The following FGF1 variants were observed in gnomAD, a reference collection of about 807,000 sequenced individuals.
FGF1 encodes fibroblast growth factor 1.
A neutral mutation model predicts 13.4 loss-of-function variants in FGF1; 9 were observed. The observed-to-expected ratio is 0.67, with a 90% CI of 0.40 to 1.17. The LOEUF (loss-of-function observed/expected upper bound fraction) is 1.17. Among genes scored for constraint, FGF1 ranks in the 50% most tolerant of loss-of-function variants. The pLI, the probability that FGF1 is intolerant of heterozygous loss-of-function variation, is 0.01. For synonymous variants in FGF1, 93 were observed against 79.0 expected, an observed-to-expected ratio of 1.18 and a Z score of -0.94; for missense variants, 156 against 192.7, an observed-to-expected ratio of 0.81 and a Z score of 1.13.
chr5:142,633,098 T>G (rs1375283499), intron 1 of FGF1, among the ~76,000 whole-genome samples: 1 of 152,136 alleles, frequency 6.6e-6, no homozygotes, highest in African/African-American at 2.4e-5. Context: ...TTTTTTGATT[T>G]TTAGTAGAGA....
Position 142,614,771 on chromosome 5 carries a change from GCA to G in FGF1, c.-34-612_-34-611del, listed in dbSNP as rs1354298937. On this transcript the variant is annotated intron_variant, in intron 1 of 3. Transcript: ENST00000337706. ...AACAGAACTGGAACCAGGGAAAAAG[GCA>G]CAGAGTGGGAGTAAGTGGGGTTTTT... 4.6e-5 allele frequency among the ~76,000 whole-genome samples: 7 copies of G among 152,288 alleles called. 1 individual carries two copies. In the South Asian group the frequency reaches 1.2e-3, roughly 27 times the overall value.
intron 1 of FGF1, among the ~76,000 whole-genome samples, chr5:142,631,329 C>G (rs750111720): frequency 1.2e-4 from 18 of 152,152 alleles, no homozygotes; most frequent in Non-Finnish European, 1.3e-4. Context: ...TCCTGGGAAC[C>G]ACAGGAAATA....
chr5:142,661,269 G>A (rs1195321894), intron 1 of FGF1, among the ~76,000 whole-genome samples: 2 of 152,100 alleles, frequency 1.3e-5, no homozygotes, highest in African/African-American at 4.8e-5. Flanking sequence ...TTGCCACCAG[G>A]GAAATGCAAA....
upstream of FGF1, among the ~76,000 whole-genome samples, chr5:142,690,533 C>G (rs1285258757): frequency 6.6e-6 from 1 of 152,140 alleles, no homozygotes; most frequent in East Asian, 1.9e-4. Flanking sequence ...TATGTGTATG[C>G]TAAAAACACA....
rs189493100 is a variant in FGF1 at position 142,595,560 on chromosome 5, G to A, written c.274-76C>T. 256 of 1,246,502 alleles carry A rather than the reference G, an allele frequency of 2.1e-4. 1 individual carries two copies. In the African/African-American group the frequency reaches 3.5e-3, roughly 17 times the overall value. The allele number at this position is 1,246,502 out of a possible 1,614,324, so 77.2% of individuals were successfully genotyped here. On this transcript the variant is annotated intron_variant, in intron 3 of 3. Coordinates refer to ENST00000337706, the MANE Select transcript of FGF1 (RefSeq NM_000800.5). ...ATGGGGGTCCCCATTTACTAGCTGT[G>A]TGACATTGGGCAAAATACTAAAGCT...
At chr5:142,646,596 C>T (rs1329578968) in intron 1 of FGF1, among the ~76,000 whole-genome samples, 1 of 152,128 alleles carries the variant, frequency 6.6e-6, no homozygotes, top group African/African-American at 2.4e-5. Flanking sequence ...CATGCTCTGC[C>T]CGCCTTGGCC....
At chr5:142,620,572 G>C (rs140811251) in intron 1 of FGF1, among the ~76,000 whole-genome samples, 55 of 152,258 alleles carry the variant, frequency 3.6e-4, no homozygotes, top group African/African-American at 1.2e-3. Flanking sequence ...TATATCTAAT[G>C]ACATAGCCTC....
rs563663453 is a variant in FGF1 at position 142,605,388 on chromosome 5, C to T, written c.170-4583G>A. 3.5e-4 allele frequency among the ~76,000 whole-genome samples: 53 copies of T among 151,754 alleles called. 1 individual carries two copies. The highest frequency in any genetic ancestry group is 2.1e-4 in the South Asian group (1 of 4,770). On this transcript the variant is annotated intron_variant, in intron 2 of 3. Transcript: ENST00000337706. ...CACCCCCCTCGGCCTCCCAAAATGC[C>T]GGGATTACAGGCATGAGCCACCGTG...
intron 1 of FGF1, among the ~76,000 whole-genome samples, chr5:142,655,202 G>A (rs888660559): frequency 2.0e-5 from 3 of 152,194 alleles, no homozygotes; most frequent in African/African-American, 7.2e-5. Flanking sequence ...CTGGGAATTT[G>A]AAAGAACATG....
chr5:142,593,366 T>C lies in FGF1; in HGVS notation c.*1924A>G, dbSNP rs966781594. ...TAACAAAAACAAAAAAGTTATGAAA[T>C]TATTTTGCTGCACAAATCTAAAATA... On this transcript the variant is annotated 3_prime_UTR_variant, in exon 4 of 4. Transcript: ENST00000337706. 2 of 152,204 alleles carry C rather than the reference T, an allele frequency of 1.3e-5. No individual in the cohort carries two copies. The highest frequency in any genetic ancestry group is 6.5e-5 in the Admixed American group (1 of 15,282). The allele number at this position is 152,204 out of a possible 1,614,324, so 9.4% of individuals were successfully genotyped here.
intron 1 of FGF1, among the ~76,000 whole-genome samples, chr5:142,667,601 AAAAG>A (rs1561714305): frequency 6.6e-6 from 1 of 151,822 alleles, no homozygotes; most frequent in Non-Finnish European, 1.5e-5. Flanking sequence ...AAAAAAAAAA[AAAAG>A]AAAGAAATAC....
chr5:142,681,506 A>G (rs538804342), intron 1 of FGF1, among the ~76,000 whole-genome samples: 16 of 152,176 alleles, frequency 1.1e-4, no homozygotes, highest in Non-Finnish European at 2.2e-4. Flanking sequence ...CCCAGAGGCT[A>G]TGGGTCCTCA....
At chr5:142,618,937 T>G (rs1430712883) in intron 1 of FGF1, among the ~76,000 whole-genome samples, 7 of 134,166 alleles carry the variant, frequency 5.2e-5, no homozygotes, top group Admixed American at 2.9e-4. Context: ...TTGTTTTTTT[T>G]TTTTTTTTTT....
intron 1 of FGF1, among the ~76,000 whole-genome samples, chr5:142,614,617 C>T (rs184886590): frequency 1.1e-4 from 16 of 152,236 alleles, no homozygotes; most frequent in East Asian, 5.8e-4. Context: ...TGAGGTACCG[C>T]GAAGCAGATA....
At chr5:142,639,919 G>C (rs987509179) in intron 1 of FGF1, among the ~76,000 whole-genome samples, 6 of 151,868 alleles carry the variant, frequency 4.0e-5, no homozygotes, top group African/African-American at 1.5e-4. Flanking sequence ...TGGTGGGAGG[G>C]ATAAATGATG....
At chr5:142,619,089 C>T (rs763410049) in intron 1 of FGF1, among the ~76,000 whole-genome samples, 7 of 151,816 alleles carry the variant, frequency 4.6e-5, no homozygotes, top group Non-Finnish European at 1.0e-4. Flanking sequence ...CGCCTGCCAC[C>T]GCGCCCGGCT....
chr5:142,687,480 GA>G (rs1369179980), upstream of FGF1, among the ~76,000 whole-genome samples: 3 of 152,192 alleles, frequency 2.0e-5, no homozygotes, highest in African/African-American at 7.2e-5. Context: ...TTGATTTCTT[GA>G]GACCCTATTA....
intron 1 of FGF1, among the ~76,000 whole-genome samples, chr5:142,625,450 C>T (rs1165781102): frequency 2.0e-5 from 3 of 152,148 alleles, no homozygotes; most frequent in Non-Finnish European, 4.4e-5. Context: ...CATAGAGCAT[C>T]ATTCAGTTGG....
intron 1 of FGF1, among the ~76,000 whole-genome samples, chr5:142,659,227 G>T (rs1014789515): frequency 7.4e-6 from 1 of 135,244 alleles, no homozygotes; most frequent in African/African-American, 3.1e-5. Context: ...CAGATCTTGC[G>T]TCAGTTTTTT....
Sources: allele counts gnomAD v4.1 joint callset (sites outside exome capture counted in the v4.1 genomes callset), GRCh38; gene constraint gnomAD v4.1.1; transcripts MANE v1.5; gene names NCBI Gene and HGNC (gene_info 2026-07-23, HGNC 2026-07-21).